CLVS1: variants seen among roughly 807,000 people sequenced by gnomAD.
CLVS1 encodes clavesin 1.
A neutral mutation model predicts 33.1 loss-of-function variants in CLVS1; 10 were observed. The ratio of observed to expected loss-of-function variants is 0.30; its 90% CI spans 0.19 to 0.51. CLVS1 has a LOEUF of 0.51. CLVS1 is among the 20% of genes least tolerant of loss of function. The probability of loss-of-function intolerance (pLI) is 0.97; values close to 1 mark genes in which losing one functional copy is unlikely to be tolerated. For missense variants in CLVS1, 343 were observed against 433.4 expected (o/e 0.79, Z 1.85); for synonymous variants, 163 against 166.1 (o/e 0.98, Z 0.14).
intron 5 of CLVS1, among the ~76,000 whole-genome samples, chr8:61,499,211 C>T (rs1274218603): frequency 1.3e-5 from 2 of 152,166 alleles, no homozygotes; most frequent in East Asian, 3.9e-4. Flanking sequence ...GGGTCTACCT[C>T]TGTCACCCAG....
the CLVS1 span, among the ~76,000 whole-genome samples, chr8:61,008,191 G>A: frequency 2.0e-5 from 3 of 151,972 alleles, no homozygotes; most frequent in South Asian, 2.1e-4. Context: ...ATCCCTGAAC[G>A]CGCAATTACT....
At position 61,249,949 on chromosome 8, in the gene CLVS1, G is replaced by C. The variant is rs1191320339; in HGVS notation, c.-151-49728G>C. 4.6e-5 allele frequency among the ~76,000 whole-genome samples: 7 copies of C among 152,128 alleles called. No individual in the cohort carries two copies. The East Asian group carries it at 1.2e-3, about 25-fold the overall frequency. On this transcript the variant is annotated intron_variant, in intron 2 of 2. Transcript: ENST00000522621. Reference sequence around the variant, plus strand: ...ATCCCATTTGTCAATTTTGGCTCCTGTTGCCATTGTTTTTGGTATTTTAGA... The same window carrying C: ...ATCCCATTTGTCAATTTTGGCTCCTCTTGCCATTGTTTTTGGTATTTTAGA...
At chr8:61,412,583 A>G (rs1262145242) in intron 3 of CLVS1, among the ~76,000 whole-genome samples, 1 of 152,240 alleles carries the variant, frequency 6.6e-6, no homozygotes, top group Non-Finnish European at 1.5e-5. Flanking sequence ...TGCACAGCTC[A>G]CGTGCTCTCA....
chr8:61,121,934 A>G (rs554029125), intron 1 of CLVS1, among the ~76,000 whole-genome samples: 1 of 152,366 alleles, frequency 6.6e-6, no homozygotes, highest in South Asian at 2.1e-4. Context: ...TGCCAGCAAA[A>G]TAAAGACCCT....
chr8:61,246,321 C>A (rs1028997512), intron 2 of CLVS1, among the ~76,000 whole-genome samples: 3 of 151,348 alleles, frequency 2.0e-5, no homozygotes, highest in Middle Eastern at 3.2e-3. Flanking sequence ...AGGCGTCCAC[C>A]ACCATGCCTG....
the CLVS1 span, among the ~76,000 whole-genome samples, chr8:61,028,297 T>C: frequency 6.6e-6 from 1 of 152,234 alleles, no homozygotes; most frequent in Non-Finnish European, 1.5e-5. Flanking sequence ...CCCAGTGGTT[T>C]AAGGATCCGA....
Position 61,416,353 on chromosome 8 carries a change from CATAT to C in CLVS1, c.631-37787_631-37784del, listed in dbSNP as rs1336795920. On this transcript the variant is annotated intron_variant, in intron 3 of 5. Transcript: ENST00000325897. ...ACATACATACATACATACATACATA[CATAT>C]TCCCATGCCTAGAATAAATACTAGA... Among the ~76,000 whole-genome samples, 284 of 150,896 alleles carry C rather than the reference CATAT, an allele frequency of 1.9e-3. 4 individuals carry two copies. Among genetic ancestry groups the C allele is most frequent in the African/African-American group, 5.6e-3 (228 of 40,784 alleles).
chr8:61,026,596 C>A, the CLVS1 span, among the ~76,000 whole-genome samples: 77 of 152,284 alleles, frequency 5.1e-4, no homozygotes, highest in Non-Finnish European at 7.6e-4. Context: ...TGGCCCTGCC[C>A]AACTTAGCTG....
At chr8:61,152,280 G>A (rs1219164148) in intron 2 of CLVS1, among the ~76,000 whole-genome samples, 1 of 152,116 alleles carries the variant, frequency 6.6e-6, no homozygotes, top group African/African-American at 2.4e-5. Context: ...GATTGCTCTT[G>A]TATCTCTTCT....
chr8:61,184,214 T>C (rs1807296566), intron 2 of CLVS1, among the ~76,000 whole-genome samples: 2 of 152,194 alleles, frequency 1.3e-5, no homozygotes, highest in South Asian at 4.1e-4. Flanking sequence ...AAGGAACCTC[T>C]TCCTCGCATG....
At chr8:61,447,193 A>G (rs1416798216) in intron 3 of CLVS1, among the ~76,000 whole-genome samples, 2 of 152,084 alleles carry the variant, frequency 1.3e-5, no homozygotes, top group African/African-American at 4.8e-5. Flanking sequence ...CAAGTCCCCA[A>G]CAATAATTGT....
chr8:61,114,074 A>T (rs1307863331), intron 1 of CLVS1, among the ~76,000 whole-genome samples: 2 of 152,258 alleles, frequency 1.3e-5, no homozygotes, highest in Non-Finnish European at 2.9e-5. Flanking sequence ...TATGTAAATG[A>T]ATGATAATGG....
intron 2 of CLVS1, among the ~76,000 whole-genome samples, chr8:61,339,554 T>C (rs1811937492): frequency 2.0e-5 from 3 of 151,936 alleles, no homozygotes; most frequent in African/African-American, 7.2e-5. Context: ...ACAGAACCAA[T>C]TACTCACCTG....
intron 1 of CLVS1, among the ~76,000 whole-genome samples, chr8:61,294,198 C>T (rs1429347977): frequency 6.6e-6 from 1 of 152,054 alleles, no homozygotes; most frequent in African/African-American, 2.4e-5. Context: ...TGATGTTAAA[C>T]AAGGCACCTA....
intron 1 of CLVS1, among the ~76,000 whole-genome samples, chr8:61,067,412 G>C (rs748199758): frequency 1.3e-4 from 19 of 148,500 alleles, no homozygotes; most frequent in Non-Finnish European, 2.7e-4. Context: ...TTATATATGT[G>C]AGTATATATA....
chr8:61,190,500 A>G (rs1179326874), intron 2 of CLVS1, among the ~76,000 whole-genome samples: 1 of 152,212 alleles, frequency 6.6e-6, no homozygotes, highest in Non-Finnish European at 1.5e-5. Context: ...AAAAGCTAGC[A>G]GAAGACAAGA....
At chr8:61,246,821 T>A (rs1313146814) in intron 2 of CLVS1, among the ~76,000 whole-genome samples, 2 of 152,162 alleles carry the variant, frequency 1.3e-5, no homozygotes, top group African/African-American at 4.8e-5. Context: ...AAAATTTATT[T>A]TAGGTTTGGG....
chr8:61,037,890 G>A, the CLVS1 span, among the ~76,000 whole-genome samples: 1 of 152,198 alleles, frequency 6.6e-6, no homozygotes, highest in African/African-American at 2.4e-5. Flanking sequence ...CACTGAGAGA[G>A]CTCTGGCTGG....
At chr8:61,037,368 A>T in the CLVS1 span, among the ~76,000 whole-genome samples, 1 of 152,186 alleles carries the variant, frequency 6.6e-6, no homozygotes, top group African/African-American at 2.4e-5. Flanking sequence ...ACCTGGAATC[A>T]GTGGAATCAT....
Sources: gnomAD v4.1 joint callset for allele counts (sites outside exome capture counted in the v4.1 genomes callset) on GRCh38, gnomAD v4.1.1 for gene constraint, MANE v1.5 for transcripts, NCBI Gene and HGNC (gene_info 2026-07-23, HGNC 2026-07-21) for gene names.